GHR: variants seen among roughly 807,000 people sequenced by gnomAD.
GHR encodes the protein growth hormone receptor.
In GHR, 35 loss-of-function variants were observed where a neutral mutation model predicts 67.1. That is an observed-to-expected ratio of 0.52 (90% CI 0.40 to 0.69). GHR has a LOEUF of 0.69. Among genes scored for constraint, GHR ranks in the 30% least tolerant of loss-of-function variants. The probability of loss-of-function intolerance (pLI) is 0.00; values close to 1 mark genes in which losing one functional copy is unlikely to be tolerated. For missense variants in GHR, 792 were observed against 764.6 expected, an observed-to-expected ratio of 1.04 and a Z score of -0.42; for synonymous variants, 272 against 269.1, an observed-to-expected ratio of 1.01 and a Z score of -0.10.
At chr5:42,710,850 C>CA (rs1758421036) in intron 6 of GHR, among the ~76,000 whole-genome samples, 1 of 152,096 alleles carries the variant, frequency 6.6e-6, no homozygotes, top group African/African-American at 2.4e-5. Context: ...TCCCTTCATA[C>CA]AAAAGTATAA....
chr5:42,633,952 C>T (rs1253649022), intron 3 of GHR, among the ~76,000 whole-genome samples: 3 of 152,170 alleles, frequency 2.0e-5, no homozygotes, highest in Non-Finnish European at 4.4e-5. Context: ...TGCCCAGTTC[C>T]CACAAGAGGA....
rs1753879167 is a variant in GHR at position 42,630,387 on chromosome 5, T to C, written c.136+1284T>C. 1.5e-5 allele frequency among the ~76,000 whole-genome samples: 2 copies of C among 132,158 alleles called. 1 individual carries two copies. The highest frequency in any genetic ancestry group is 1.5e-4 in the Admixed American group (2 of 13,726). The allele number at this position is 132,158 out of a possible 152,430, so 86.7% of individuals were successfully genotyped here. On this transcript the variant is annotated intron_variant, in intron 3 of 9. Transcript: ENST00000230882. ...GGGAAGGGAAGACAGTGTACCTAAA[T>C]CAGTTAAGATATTGCTATTCTTGTT...
chr5:42,671,817 G>T (rs1453909092), intron 3 of GHR, among the ~76,000 whole-genome samples: 3 of 151,628 alleles, frequency 2.0e-5, no homozygotes, highest in African/African-American at 7.3e-5. Context: ...TTAGCCGGGC[G>T]TAGGGGCGGG....
intron 1 of GHR, among the ~76,000 whole-genome samples, chr5:42,553,827 C>A (rs1365749981): frequency 6.6e-6 from 1 of 152,116 alleles, no homozygotes; most frequent in Admixed American, 6.6e-5. Flanking sequence ...CAAGTGTATT[C>A]TTTTTATTTG....
intron 2 of GHR, among the ~76,000 whole-genome samples, chr5:42,616,081 A>G (rs1753133162): frequency 6.6e-6 from 1 of 152,010 alleles, no homozygotes; most frequent in Non-Finnish European, 1.5e-5. Flanking sequence ...CCACTTGGGG[A>G]TCTTGGTGGC....
At chr5:42,529,607 T>C (rs1638831681) in intron 1 of GHR, among the ~76,000 whole-genome samples, 1 of 152,164 alleles carries the variant, frequency 6.6e-6, no homozygotes, top group Non-Finnish European at 1.5e-5. Flanking sequence ...TTTAACGGCC[T>C]ATATAAAAAG....
chr5:42,633,221 T>C lies in GHR; in HGVS notation c.136+4118T>C, dbSNP rs551029385. Among the ~76,000 whole-genome samples the C allele has an allele frequency of 1.1e-3, 164 of 152,344 alleles. 1 individual carries two copies. The highest frequency in any genetic ancestry group is 1.2e-3 in the Non-Finnish European group (81 of 68,020). The stretch of plus-strand genomic sequence containing the variant: ...TAAATTTTGTGATTGATAGCATTTT[T>C]ACCTCAAAATGAAATGAATATCCAA... On this transcript the variant is annotated intron_variant, in intron 3 of 9. Coordinates refer to ENST00000230882, the MANE Select transcript of GHR (RefSeq NM_000163.5).
At chr5:42,481,102 G>A (rs1325312824) in intron 1 of GHR, among the ~76,000 whole-genome samples, 2 of 151,956 alleles carry the variant, frequency 1.3e-5, no homozygotes, top group Non-Finnish European at 2.9e-5. Context: ...AAATCTCTCA[G>A]CATTTGCTTG....
intron 1 of GHR, among the ~76,000 whole-genome samples, chr5:42,469,581 A>AGGATTC (rs1744905969): frequency 6.6e-6 from 1 of 152,278 alleles, no homozygotes; most frequent in South Asian, 2.1e-4. Flanking sequence ...TCCTCTGACC[A>AGGATTC]GGATTCAGGC....
intron 1 of GHR, chr5:42,550,237 T>C (rs1748950795): frequency 1.1e-5 from 2 of 187,510 alleles, no homozygotes; most frequent in African/African-American, 4.7e-5. Flanking sequence ...GCTCCCAGCT[T>C]GGCCGGCACC....
intron 3 of GHR, among the ~76,000 whole-genome samples, chr5:42,644,002 A>T (rs10044117): frequency 0.14 from 20,911 of 152,150 alleles, 1,629 homozygotes; most frequent in Non-Finnish European, 0.16. Context: ...TTGTTTTTTT[A>T]AAAGTAGGCA....
At chr5:42,540,865 A>G (rs767243665) in intron 1 of GHR, among the ~76,000 whole-genome samples, 5 of 151,760 alleles carry the variant, frequency 3.3e-5, no homozygotes, top group Non-Finnish European at 7.4e-5. Flanking sequence ...TATTTCATGC[A>G]TTATCTATCC....
chr5:42,457,665 A>G (rs529700303), intron 1 of GHR, among the ~76,000 whole-genome samples: 2 of 152,368 alleles, frequency 1.3e-5, no homozygotes, highest in East Asian at 3.9e-4. Flanking sequence ...CACAAAGACA[A>G]ATCACACCAT....
intron 1 of GHR, chr5:42,548,488 G>A (rs1315403092): frequency 1.0e-5 from 10 of 984,800 alleles, no homozygotes; most frequent in South Asian, 4.7e-5. Flanking sequence ...GAAACAATAC[G>A]AAAATCCAGC....
intron 1 of GHR, among the ~76,000 whole-genome samples, chr5:42,550,359 T>G (rs1748961511): frequency 6.6e-6 from 1 of 152,154 alleles, no homozygotes; most frequent in Non-Finnish European, 1.5e-5. Flanking sequence ...AGCCTCTGGC[T>G]TCTGTCATTG....
intron 1 of GHR, among the ~76,000 whole-genome samples, chr5:42,484,132 G>T (rs1357391345): frequency 4.6e-5 from 7 of 152,150 alleles, no homozygotes; most frequent in Admixed American, 4.6e-4. Context: ...TGAGGAAATT[G>T]TTTTCTTTTT....
At chr5:42,597,697 AC>A (rs1752149450) in intron 2 of GHR, among the ~76,000 whole-genome samples, 1 of 152,216 alleles carries the variant, frequency 6.6e-6, no homozygotes, top group Non-Finnish European at 1.5e-5. Flanking sequence ...ATTTGTAAGT[AC>A]CAGATAGTGC....
intron 1 of GHR, among the ~76,000 whole-genome samples, chr5:42,529,179 T>A (rs1747845248): frequency 6.6e-6 from 1 of 151,998 alleles, no homozygotes; most frequent in Admixed American, 6.6e-5. Context: ...GCCCAGCTAA[T>A]TTTTTGTATT....
Position 42,448,573 on chromosome 5 carries a change from C to CTATTATTATTAT in GHR, c.-12+24647_-12+24658dup, listed in dbSNP as rs56084873. Among the ~76,000 whole-genome samples the CTATTATTATTAT allele has an allele frequency of 2.6e-4, 38 of 144,342 alleles. No homozygotes were observed. The East Asian group carries it at 2.7e-3, about 10-fold the overall frequency. The allele number at this position is 144,342 out of a possible 152,430, so 94.7% of individuals were successfully genotyped here. ...TCCCAATCGGTGGGTTATCTGTTTA[C>CTATTATTATTAT]TATTATTATTATTATTATTATTATT... On this transcript the variant is annotated intron_variant, in intron 1 of 9. Transcript: ENST00000230882.
Sources: allele counts gnomAD v4.1 joint callset (sites outside exome capture counted in the v4.1 genomes callset), GRCh38; gene constraint gnomAD v4.1.1; transcripts MANE v1.5; gene names NCBI Gene and HGNC (gene_info 2026-07-23, HGNC 2026-07-21).